TBCE: variants seen among roughly 807,000 people sequenced by gnomAD.
TBCE encodes the protein tubulin-specific chaperone E.
Under a neutral mutation model 77.0 loss-of-function variants are expected in TBCE, and 53 were observed. The ratio of observed to expected loss-of-function variants is 0.69; its 90% confidence interval spans 0.55 to 0.87. TBCE has a LOEUF of 0.87. Among genes scored for constraint, TBCE ranks in the 40% least tolerant of loss-of-function variants. The pLI, the probability that TBCE is intolerant of heterozygous loss-of-function variation, is 0.00. For synonymous variants in TBCE, 235 were observed against 241.3 expected, an observed-to-expected ratio of 0.97 and a Z score of 0.24; for missense variants, 624 against 622.4, an observed-to-expected ratio of 1.00 and a Z score of -0.03.
chr1:235,371,143 G>A (rs568603291), intron 1 of TBCE, among the ~76,000 whole-genome samples: 120 of 127,230 alleles, frequency 9.4e-4, no homozygotes, highest in African/African-American at 3.1e-3. Context: ...CGCAACCTCC[G>A]CCTCCTGGCT....
At chr1:235,396,954 G>GTTTATTTA (rs143979836) in intron 2 of TBCE, among the ~76,000 whole-genome samples, 9,887 of 148,398 alleles carry the variant, frequency 0.067, 733 homozygotes, top group African/African-American at 0.18. Flanking sequence ...TTTGTTGATT[G>GTTTATTTA]TTTATTTATT....
In TBCE at chr1:235,380,149, G is replaced by C; in HGVS notation, c.100G>C (p.Gly34Arg). The C allele has an allele frequency of 6.2e-7, 1 of 1,602,974 alleles. No individual in the cohort carries two copies. Among genetic ancestry groups the C allele is most frequent in the South Asian group, 1.1e-5 (1 of 90,888 alleles). ...RFAGVVPPVA[G>R]PWLGVEWDNP... is the part of the protein sequence containing the mutation. ...TGCTGGTGTTGTCCCTCCCGTGGCA[G>C]GTAAGCAATTATTGTGTGTGTGTGT... The change falls in exon 2 of 17, where the codon GGA (glycine) becomes CGA (arginine). Residue 34 changes from glycine (G) to arginine (R), a missense_variant and splice_region_variant. Transcript: ENST00000642610.
At chr1:235,379,998 G>A in intron 1 of TBCE, 21 bp from the exon 2 acceptor site, 1 of 1,386,682 alleles carries the variant, frequency 7.2e-7, no homozygotes. Flanking sequence ...GTTCTTATCA[G>A]TGTTGTATTT....
chr1:235,377,761 C>T (rs919973160), intron 1 of TBCE, among the ~76,000 whole-genome samples: 1 of 151,670 alleles, frequency 6.6e-6, no homozygotes, highest in African/African-American at 2.4e-5. Flanking sequence ...AAGCGATTCT[C>T]CTGCCTCAGC....
intron 7 of TBCE, chr1:235,433,076 C>A: frequency 6.4e-7 from 1 of 1,553,026 alleles, no homozygotes. Context: ...GACCACACAT[C>A]CATGCGGATG....
chr1:235,422,287 GGA>G (rs1280053252), intron 5 of TBCE, among the ~76,000 whole-genome samples: 1 of 152,202 alleles, frequency 6.6e-6, no homozygotes, highest in Admixed American at 6.5e-5. Flanking sequence ...CAAGGCGGGT[GGA>G]TCACCTGAGG....
intron 6 of TBCE, among the ~76,000 whole-genome samples, chr1:235,427,954 C>T (rs541661820): frequency 2.0e-5 from 3 of 151,490 alleles, no homozygotes; most frequent in Non-Finnish European, 2.9e-5. Flanking sequence ...TGCTTGAACC[C>T]GGGAGGCAGA....
intron 2 of TBCE, among the ~76,000 whole-genome samples, chr1:235,380,824 T>C (rs1220141348): frequency 6.6e-6 from 1 of 152,152 alleles, no homozygotes; most frequent in Non-Finnish European, 1.5e-5. Flanking sequence ...TCGCTCTTGT[T>C]ATTCAGGCTG....
chr1:235,411,729 G>A (rs1482580431), intron 3 of TBCE, among the ~76,000 whole-genome samples: 1 of 152,084 alleles, frequency 6.6e-6, no homozygotes, highest in Non-Finnish European at 1.5e-5. Flanking sequence ...AGAGATATGG[G>A]ACTTAATTTT....
chr1:235,376,599 CTG>C (rs1312192999), intron 1 of TBCE, among the ~76,000 whole-genome samples: 2 of 152,108 alleles, frequency 1.3e-5, no homozygotes, highest in Non-Finnish European at 2.9e-5. Context: ...TTGGGTAGTG[CTG>C]TGTCTCTGGC....
chr1:235,437,465 C>T lies in TBCE; in HGVS notation c.1107C>T (p.Asn369=). 6.2e-7 allele frequency: 1 copy of T among 1,613,966 alleles called. No individual in the cohort carries two copies. Among genetic ancestry groups the T allele is most frequent in the Non-Finnish European group, 8.5e-7 (1 of 1,179,966 alleles). The change falls in exon 12 of 17, where the codon AAC becomes AAT. Residue 369 remains asparagine (N), a synonymous_variant. Coordinates refer to ENST00000642610, the MANE Select transcript of TBCE (RefSeq NM_003193.5). ...IASIGQLKTL[N]KCEILPEERR... ...GCATTGGCCAGCTGAAGACGCTGAA[C>T]AAATGTGAGGTGAGCACTGGCGTCA...
chr1:235,415,409 G>A (rs1399872768), intron 4 of TBCE: 1 of 152,214 alleles, frequency 6.6e-6, no homozygotes. Context: ...GAGAGAGAAA[G>A]ATAGTATTTA....
intron 2 of TBCE, among the ~76,000 whole-genome samples, chr1:235,391,238 C>G (rs933006077): frequency 3.3e-5 from 5 of 151,818 alleles, no homozygotes; most frequent in African/African-American, 1.2e-4. Flanking sequence ...GCCTGTAATC[C>G]CAACACTTTG....
At chr1:235,378,924 A>G (rs1236444275) in intron 1 of TBCE, among the ~76,000 whole-genome samples, 1 of 152,156 alleles carries the variant, frequency 6.6e-6, no homozygotes, top group Non-Finnish European at 1.5e-5. Context: ...AATTAACCAT[A>G]TTTGTGCTTG....
chr1:235,379,118 C>G (rs1023804654), intron 1 of TBCE, among the ~76,000 whole-genome samples: 1 of 152,090 alleles, frequency 6.6e-6, no homozygotes, highest in Non-Finnish European at 1.5e-5. Context: ...TCTTTCTTAA[C>G]TATTATGTTT....
At chr1:235,447,357 A>T (rs1682428261) in intron 15 of TBCE, among the ~76,000 whole-genome samples, 1 of 152,228 alleles carries the variant, frequency 6.6e-6, no homozygotes, top group East Asian at 1.9e-4. Flanking sequence ...ATCTCCAGCT[A>T]AAGCTTCAAG....
chr1:235,438,649 G>T (rs1394369496), intron 12 of TBCE, 120 bp from the exon 13 acceptor site: 1 of 1,147,524 alleles, frequency 8.7e-7, no homozygotes, highest in Non-Finnish European at 1.3e-6. Context: ...ACTAGATCTT[G>T]TCCCTCTCAA....
chr1:235,391,137 G>A (rs1480427261), intron 2 of TBCE, among the ~76,000 whole-genome samples: 1 of 152,016 alleles, frequency 6.6e-6, no homozygotes, highest in Non-Finnish European at 1.5e-5. Flanking sequence ...GAAGATATGA[G>A]TAGTTTTTAT....
rs144790290 is a variant in TBCE at position 235,398,680 on chromosome 1, A to G, written c.101-2823A>G. Among the ~76,000 whole-genome samples, 841 of 137,882 alleles carry G rather than the reference A, an allele frequency of 6.1e-3. 9 individuals are homozygous for G. The highest frequency in any genetic ancestry group is 0.022 in the African/African-American group (807 of 37,420). 90.5% of individuals were successfully genotyped at this position (137,882 alleles called of 152,430 possible). On this transcript the variant is annotated intron_variant, in intron 2 of 16. Coordinates refer to ENST00000642610, the MANE Select transcript of TBCE (RefSeq NM_003193.5). ...ATTGCTCAGGCTGGAGTGCAGTAGC[A>G]CTATCTGCAAATTCTGCCTCCTGGG...
Sources: allele counts gnomAD v4.1 joint callset (sites outside exome capture counted in the v4.1 genomes callset), GRCh38; gene constraint gnomAD v4.1.1; transcripts MANE v1.5; gene names NCBI Gene and HGNC (gene_info 2026-07-23, HGNC 2026-07-21).